CLSTN2: variants seen among roughly 807,000 people sequenced by gnomAD.
CLSTN2 encodes calsyntenin-2.
A neutral mutation model predicts 101.2 loss-of-function variants in CLSTN2; 48 were observed. The observed-to-expected ratio is 0.47, with a 90% CI of 0.38 to 0.60. The LOEUF is 0.60. CLSTN2 is among the 20% of genes least tolerant of loss of function. CLSTN2 has a pLI of 0.00. For missense variants in CLSTN2, 1,160 were observed against 1,238.2 expected, an observed-to-expected ratio of 0.94 and a Z score of 0.95; for synonymous variants, 481 against 463.6, an observed-to-expected ratio of 1.04 and a Z score of -0.48.
chr3:140,564,288 G>C (rs936664643), intron 16 of CLSTN2, 143 bp downstream of exon 16: 2 of 679,676 alleles, frequency 2.9e-6, no homozygotes, highest in African/African-American at 3.6e-5. Context: ...GATTCTTCCT[G>C]TCTCTGAGCT....
At chr3:140,558,934 C>CTGTTGTTCTGA in intron 12 of CLSTN2, 77 bp downstream of exon 12, 5 of 1,130,868 alleles carry the variant, frequency 4.4e-6, no homozygotes, top group Non-Finnish European at 6.5e-6. Flanking sequence ...TTCAGAACAA[C>CTGTTGTTCTGA]AGCATTGTTC....
At chr3:140,424,490 T>C (rs374079616) in intron 5 of CLSTN2, among the ~76,000 whole-genome samples, 3 of 152,346 alleles carry the variant, frequency 2.0e-5, no homozygotes, top group African/African-American at 4.8e-5. Context: ...CTTATATCCC[T>C]GGTCAGGGCT....
intron 2 of CLSTN2, among the ~76,000 whole-genome samples, chr3:140,309,469 G>A (rs2087144622): frequency 6.6e-6 from 1 of 152,156 alleles, no homozygotes; most frequent in Admixed American, 6.5e-5. Context: ...GTACCCCAGA[G>A]GCTTCTGGGA....
intron 2 of CLSTN2, among the ~76,000 whole-genome samples, chr3:140,194,648 C>A (rs1274315503): frequency 1.3e-5 from 2 of 152,244 alleles, no homozygotes; most frequent in East Asian, 3.9e-4. Context: ...TTTTGGTTAG[C>A]TTTTTCTGAC....
At chr3:139,981,085 G>T (rs1042183602) in intron 1 of CLSTN2, among the ~76,000 whole-genome samples, 2 of 151,870 alleles carry the variant, frequency 1.3e-5, no homozygotes, top group Non-Finnish European at 3.0e-5. Context: ...TATCTTGCCT[G>T]TGGGTCATCT....
rs1200457606 is a variant in CLSTN2, at chr3:140,148,305, G to A, written c.110-27646G>A. On this transcript the variant is annotated intron_variant, in intron 1 of 16. Coordinates refer to ENST00000458420, the MANE Select transcript of CLSTN2 (RefSeq NM_022131.3). The stretch of plus-strand genomic sequence containing the variant: ...GAGAACTCTCAGCTGGAGAGATGGG[G>A]GTGGACCTCCCCTTTCTCCCTAAAG... Among the ~76,000 whole-genome samples, 12 of 152,164 alleles carry A rather than the reference G, an allele frequency of 7.9e-5. 1 individual carries two copies. Among genetic ancestry groups the A allele is most frequent in the Admixed American group, 6.5e-4 (10 of 15,280 alleles).
intron 2 of CLSTN2, among the ~76,000 whole-genome samples, chr3:140,249,422 G>A (rs1056087271): frequency 3.3e-5 from 5 of 152,126 alleles, no homozygotes; most frequent in African/African-American, 1.2e-4. Flanking sequence ...GTTGCTTTGG[G>A]GGCTGGAGCT....
At chr3:140,089,789 T>G (rs2008744611) in intron 1 of CLSTN2, among the ~76,000 whole-genome samples, 1 of 151,254 alleles carries the variant, frequency 6.6e-6, no homozygotes, top group African/African-American at 2.4e-5. Context: ...TTTTTGTATT[T>G]TTAGTAGAGA....
chr3:140,563,937 A>T (rs1348572720), intron 15 of CLSTN2, 24 bp from the exon 16 acceptor site: 9 of 1,610,896 alleles, frequency 5.6e-6, no homozygotes, highest in Non-Finnish European at 7.6e-6. Flanking sequence ...TCACCATGTC[A>T]TGCGAGTTTT....
At chr3:140,378,701 A>G (rs1189353239) in intron 2 of CLSTN2, among the ~76,000 whole-genome samples, 4 of 152,198 alleles carry the variant, frequency 2.6e-5, no homozygotes, top group Non-Finnish European at 5.9e-5. Context: ...CAGAAAGAGC[A>G]TGGGCACAGG....
chr3:140,135,107 CACACACACACATATATATATAT>C (rs1281154674), intron 1 of CLSTN2, among the ~76,000 whole-genome samples: 5 of 52,486 alleles, frequency 9.5e-5, no homozygotes, highest in African/African-American at 5.2e-4. Context: ...CACACACACA[CACACACACACATATATATATAT>C]ATATATATAT....
chr3:140,374,936 C>A (rs1269351807), intron 2 of CLSTN2, among the ~76,000 whole-genome samples: 3 of 152,232 alleles, frequency 2.0e-5, no homozygotes, highest in Admixed American at 6.5e-5. Flanking sequence ...ACTACACCAG[C>A]CCAGCTTAAA....
chr3:140,428,152 G>C (rs552055240), intron 5 of CLSTN2, among the ~76,000 whole-genome samples: 1 of 152,226 alleles, frequency 6.6e-6, no homozygotes, highest in East Asian at 1.9e-4. Context: ...TGGCTAGTTT[G>C]GGGTTTTTCT....
chr3:140,400,742 G>C (rs534266996), intron 2 of CLSTN2, among the ~76,000 whole-genome samples: 5 of 152,090 alleles, frequency 3.3e-5, no homozygotes, highest in East Asian at 1.9e-4. Context: ...TTAAAACCAA[G>C]CTCAGGATGC....
At chr3:140,256,592 T>G (rs1335411173) in intron 2 of CLSTN2, among the ~76,000 whole-genome samples, 1 of 152,218 alleles carries the variant, frequency 6.6e-6, no homozygotes, top group Non-Finnish European at 1.5e-5. Context: ...TTCAGATTGA[T>G]ATTTCCATTC....
At chr3:140,274,202 C>G (rs951180584) in intron 2 of CLSTN2, among the ~76,000 whole-genome samples, 1 of 152,138 alleles carries the variant, frequency 6.6e-6, no homozygotes, top group Non-Finnish European at 1.5e-5. Context: ...CATACATCTA[C>G]TAAGGAAAGG....
intron 8 of CLSTN2, among the ~76,000 whole-genome samples, chr3:140,482,729 T>C (rs1032009816): frequency 1.3e-5 from 2 of 152,230 alleles, no homozygotes; most frequent in African/African-American, 4.8e-5. Flanking sequence ...TTTATTTGCA[T>C]AGAGGTGTTT....
chr3:140,206,953 C>T lies in CLSTN2; in HGVS notation c.232+30880C>T, dbSNP rs144311133. Among the ~76,000 whole-genome samples the T allele has an allele frequency of 7.1e-3, 1,074 of 152,294 alleles. 7 individuals carry two copies. The highest frequency in any genetic ancestry group is 0.011 in the Non-Finnish European group (747 of 68,026). ...TATTCCCATGAGGGATCAGAACTTG[C>T]CCTGGCCTGAGTGGTACATTCAGCA... On this transcript the variant is annotated intron_variant, in intron 2 of 16. Transcript: ENST00000458420.
chr3:140,171,867 C>T (rs1388779488), intron 1 of CLSTN2, among the ~76,000 whole-genome samples: 5 of 109,276 alleles, frequency 4.6e-5, no homozygotes, highest in African/African-American at 1.1e-4. Context: ...TATATAATAA[C>T]AATATATAAT....
Sources: gnomAD v4.1 joint callset for allele counts (sites outside exome capture counted in the v4.1 genomes callset) on GRCh38, gnomAD v4.1.1 for gene constraint, MANE v1.5 for transcripts, NCBI Gene and HGNC (gene_info 2026-07-23, HGNC 2026-07-21) for gene names.